Variants in CDH4 observed in about 807,000 individuals in gnomAD.
CDH4 encodes cadherin-4.
In CDH4, 33 loss-of-function variants were observed where a neutral mutation model predicts 86.0. The observed-to-expected ratio is 0.38, with a 90% CI of 0.29 to 0.51. The LOEUF is 0.51. Among genes scored for constraint, CDH4 ranks in the 20% least tolerant of loss-of-function variants. The pLI, the probability that CDH4 is intolerant of heterozygous loss-of-function variation, is 0.86. For missense variants in CDH4, 1,114 were observed against 1,307.4 expected, an observed-to-expected ratio of 0.85 and a Z score of 2.28; for synonymous variants, 555 against 549.4, an observed-to-expected ratio of 1.01 and a Z score of -0.14.
At position 61,829,287 on chromosome 20, in the gene CDH4, C is replaced by A. The variant is rs1227868627; in HGVS notation, c.577-15381C>A. On this transcript the variant is annotated intron_variant, in intron 4 of 15. Coordinates refer to ENST00000614565, the MANE Select transcript of CDH4 (RefSeq NM_001794.5). The surrounding 1 kb of genome is among the most constrained non-coding windows in gnomAD (Gnocchi z 4.2). The stretch of plus-strand genomic sequence containing the variant: ...TGGGGTTTGTGTCCGGCTTCTTTCG[C>A]TGAGCATAATGTTTTCAAGGTTCAG... 6.6e-6 allele frequency among the ~76,000 whole-genome samples: 1 copy of A among 152,230 alleles called. No homozygotes were observed. Among genetic ancestry groups the A allele is most frequent in the Non-Finnish European group, 1.5e-5 (1 of 68,046 alleles).
At chr20:61,428,353 C>G (rs1432901647) in intron 2 of CDH4, among the ~76,000 whole-genome samples, 1 of 152,128 alleles carries the variant, frequency 6.6e-6, no homozygotes, top group Non-Finnish European at 1.5e-5. Flanking sequence ...TCATGGATGT[C>G]TCCCTAACAG....
chr20:61,382,951 G>A (rs912951614), intron 2 of CDH4, among the ~76,000 whole-genome samples: 1 of 150,802 alleles, frequency 6.6e-6, no homozygotes, highest in South Asian at 2.1e-4. Flanking sequence ...GCAGAGGGGA[G>A]GACACAAGTC....
chr20:61,876,678 C>T (rs2146154766), intron 7 of CDH4, among the ~76,000 whole-genome samples: 1 of 152,274 alleles, frequency 6.6e-6, no homozygotes, highest in Non-Finnish European at 1.5e-5. Context: ...AGGCCACCTG[C>T]TCTGGCCTGC....
intron 15 of CDH4, among the ~76,000 whole-genome samples, chr20:61,935,320 A>G (rs2055169837): frequency 6.6e-6 from 1 of 152,268 alleles, no homozygotes; most frequent in South Asian, 2.1e-4. Flanking sequence ...CCCAAAGCAG[A>G]TGGTGTTCTG....
At chr20:61,328,376 T>C (rs1016404882) in intron 2 of CDH4, among the ~76,000 whole-genome samples, 1 of 152,166 alleles carries the variant, frequency 6.6e-6, no homozygotes, top group Non-Finnish European at 1.5e-5. Flanking sequence ...GGGGTTTCAC[T>C]GTGTTAGCCA....
rs1450856492 is a variant in CDH4, at chr20:61,516,870, T to TAGCAAGGGACGAGGG, written c.170-226686_170-226685insGACGAGGGAGCAAGG. 6.6e-6 allele frequency among the ~76,000 whole-genome samples: 1 copy of TAGCAAGGGACGAGGG among 152,220 alleles called. No homozygotes were observed. The highest frequency in any genetic ancestry group is 2.4e-5 in the African/African-American group (1 of 41,472). On this transcript the variant is annotated intron_variant, in intron 2 of 15. Coordinates refer to ENST00000614565, the MANE Select transcript of CDH4 (RefSeq NM_001794.5). The surrounding 1 kb of genome is among the most constrained non-coding windows in gnomAD (Gnocchi z 4.0). ...TCCCCTACTCCCTGGCTCCTCGTCC[T>TAGCAAGGGACGAGGG]AGCAAGGAGCTCCAGGCACCCTCAG...
chr20:61,647,566 T>TCCCTCTCC (rs1555818902), intron 2 of CDH4, among the ~76,000 whole-genome samples: 2 of 64,198 alleles, frequency 3.1e-5, no homozygotes, highest in African/African-American at 1.1e-4. Context: ...TCCCTCTCCC[T>TCCCTCTCC]CTCCCTCCCT....
intron 7 of CDH4, among the ~76,000 whole-genome samples, chr20:61,883,807 G>C (rs1462760059): frequency 6.6e-6 from 1 of 152,192 alleles, no homozygotes; most frequent in Non-Finnish European, 1.5e-5. Context: ...CAGACATCTA[G>C]ACTCTTCTAA....
rs1218369981 is a variant in CDH4 at position 61,663,509 on chromosome 20, C to T, written c.170-80054C>T. ...GAAATGCCAATGCTGGGGATGCCGC[C>T]GAGTGGGTCAGAGGGGCCGGAGGAA... On this transcript the variant is annotated intron_variant, in intron 2 of 15. Transcript: ENST00000614565. The surrounding 1 kb of genome is among the most constrained non-coding windows in gnomAD (Gnocchi z 5.0). Among the ~76,000 whole-genome samples the T allele has an allele frequency of 2.0e-5, 3 of 152,152 alleles. No homozygotes were observed. The highest frequency in any genetic ancestry group is 1.9e-4 in the East Asian group (1 of 5,170).
chr20:61,612,402 G>A (rs892472561), intron 2 of CDH4, among the ~76,000 whole-genome samples: 5 of 152,078 alleles, frequency 3.3e-5, no homozygotes, highest in African/African-American at 4.8e-5. Context: ...GAGGCCTGAC[G>A]TATTTTGGGT....
chr20:61,811,959 A>G lies in CDH4; in HGVS notation c.577-32709A>G, dbSNP rs539543196. On this transcript the variant is annotated intron_variant, in intron 4 of 15. Transcript: ENST00000614565. The surrounding 1 kb of genome is among the most constrained non-coding windows in gnomAD (Gnocchi z 4.4). ...AGTGCTAGGATTATAGGCATGAGCC[A>G]CTGCACCTAGCCGCCTGCTGTCCTT... 2.9e-3 allele frequency among the ~76,000 whole-genome samples: 445 copies of G among 152,202 alleles called. 1 individual carries two copies. Among genetic ancestry groups the G allele is most frequent in the Non-Finnish European group, 3.1e-3 (214 of 67,996 alleles).
chr20:61,336,486 A>G lies in CDH4; in HGVS notation c.169+81549A>G, dbSNP rs538621446. On this transcript the variant is annotated intron_variant, in intron 2 of 15. Coordinates refer to ENST00000614565, the MANE Select transcript of CDH4 (RefSeq NM_001794.5). Reference sequence around the variant, plus strand: ...TGTTTTCTCATGGCACCTGTTCCTCAGCACAATACCTATTCCTTCTTCAAG... The same window carrying G: ...TGTTTTCTCATGGCACCTGTTCCTCGGCACAATACCTATTCCTTCTTCAAG... 1.9e-4 allele frequency among the ~76,000 whole-genome samples: 29 copies of G among 152,138 alleles called. No individual in the cohort carries two copies. In the South Asian group the frequency reaches 5.6e-3, roughly 30 times the overall value.
intron 2 of CDH4, among the ~76,000 whole-genome samples, chr20:61,526,176 C>G (rs946457470): frequency 3.9e-5 from 6 of 152,020 alleles, no homozygotes; most frequent in Admixed American, 1.3e-4. Context: ...GCCCCTCCCC[C>G]TCCCCGGGTG....
intron 2 of CDH4, among the ~76,000 whole-genome samples, chr20:61,401,151 C>G (rs895323977): frequency 6.6e-6 from 1 of 152,214 alleles, no homozygotes; most frequent in Admixed American, 6.5e-5. Flanking sequence ...AAGTGACAAC[C>G]TTTAGGAGGC....
At chr20:61,606,974 A>G (rs373885314) in intron 2 of CDH4, among the ~76,000 whole-genome samples, 5 of 152,312 alleles carry the variant, frequency 3.3e-5, no homozygotes, top group African/African-American at 1.2e-4. Flanking sequence ...AGGTCTGCTG[A>G]GTAGCTTGGG....
chr20:61,253,857 G>A (rs945773219), intron 1 of CDH4, among the ~76,000 whole-genome samples: 1 of 152,282 alleles, frequency 6.6e-6, no homozygotes, highest in Middle Eastern at 3.4e-3. Flanking sequence ...CGGCGGGCGG[G>A]AGGCGCCACT....
chr20:61,667,427 T>C (rs1170556891), intron 2 of CDH4, among the ~76,000 whole-genome samples: 1 of 152,256 alleles, frequency 6.6e-6, no homozygotes, highest in Non-Finnish European at 1.5e-5. Context: ...CGGGGTTGCA[T>C]GTCAAAGGTC....
intron 2 of CDH4, among the ~76,000 whole-genome samples, chr20:61,653,559 CG>C (rs1363607259): frequency 7.7e-6 from 1 of 130,472 alleles, no homozygotes; most frequent in Non-Finnish European, 1.7e-5. Context: ...GCTGGCCAGG[CG>C]GGGGCTGACC....
rs763267948 is a variant in CDH4, at chr20:61,773,128, G to T, written c.522G>T (p.Pro174=). The T allele has an allele frequency of 1.2e-6, 2 of 1,607,740 alleles. No homozygotes were observed. The highest frequency in any genetic ancestry group is 1.7e-6 in the Non-Finnish European group (2 of 1,177,468). ...LRRRKRDWVI[P]PINVPENSRG... Reference sequence around the variant, plus strand: ...GGCGCAAACGGGACTGGGTCATCCCGCCCATCAACGTGCCCGAGAACTCGC... The same window carrying T: ...GGCGCAAACGGGACTGGGTCATCCCTCCCATCAACGTGCCCGAGAACTCGC... The change falls in exon 4 of 16, where the codon CCG becomes CCT. Residue 174 remains proline, a synonymous_variant. Coordinates refer to ENST00000614565, the MANE Select transcript of CDH4 (RefSeq NM_001794.5).
Sources: allele counts gnomAD v4.1 joint callset (sites outside exome capture counted in the v4.1 genomes callset), GRCh38; gene constraint gnomAD v4.1.1; non-coding constraint Gnocchi (gnomAD v3.1); transcripts MANE v1.5; gene names NCBI Gene and HGNC (gene_info 2026-07-23, HGNC 2026-07-21).